The following PRKG1 variants were observed in gnomAD, a reference collection of about 807,000 sequenced individuals.
PRKG1 encodes the protein cGMP-dependent protein kinase 1.
A neutral mutation model predicts 88.1 loss-of-function variants in PRKG1; 35 were observed. That is an observed-to-expected ratio of 0.40 (90% CI 0.30 to 0.53). The LOEUF (loss-of-function observed/expected upper bound fraction) is 0.53, where lower values mean the gene tolerates loss of function less well. Among genes scored for constraint, PRKG1 ranks in the 20% least tolerant of loss-of-function variants. The probability of loss-of-function intolerance (pLI) is 0.59; values close to 1 mark genes in which losing one functional copy is unlikely to be tolerated. For synonymous variants in PRKG1, 303 were observed against 292.5 expected, an observed-to-expected ratio of 1.04 and a Z score of -0.37; for missense variants, 540 against 839.8, an observed-to-expected ratio of 0.64 and a Z score of 4.41.
At chr10:51,072,583 T>C (rs1395618544), upstream of PRKG1, among the ~76,000 whole-genome samples, 1 of 152,126 alleles carries the variant, frequency 6.6e-6, no homozygotes, top group Non-Finnish European at 1.5e-5. Flanking sequence ...CATTTCTTCA[T>C]TGCAAAAGAA....
chr10:51,303,691 C>G lies in PRKG1; in HGVS notation c.478+150361C>G, dbSNP rs530654945. On this transcript the variant is annotated intron_variant, in intron 2 of 17. Coordinates refer to ENST00000373980, the MANE Select transcript of PRKG1 (RefSeq NM_006258.4). ...ATAATATTAAATTTAATTTTTGTCT[C>G]CAGTGTTATTGCATTTTTCTAACAG... 1.1e-4 allele frequency among the ~76,000 whole-genome samples: 17 copies of G among 151,890 alleles called. No homozygotes were observed. The East Asian group carries it at 2.7e-3, about 24-fold the overall frequency.
At chr10:51,199,404 T>A (rs746248332) in intron 2 of PRKG1, among the ~76,000 whole-genome samples, 1 of 152,194 alleles carries the variant, frequency 6.6e-6, no homozygotes, top group Non-Finnish European at 1.5e-5. Flanking sequence ...ATGTTCTAGA[T>A]ATTGTCCTAG....
intron 4 of PRKG1, among the ~76,000 whole-genome samples, chr10:51,813,066 C>T (rs918986326): frequency 6.6e-6 from 1 of 152,202 alleles, no homozygotes; most frequent in Admixed American, 6.5e-5. Context: ...GTCTCTGCTG[C>T]TTTAGGACCC....
At chr10:51,818,991 A>T in intron 4 of PRKG1, among the ~76,000 whole-genome samples, 1 of 75,924 alleles carries the variant, frequency 1.3e-5, no homozygotes, top group East Asian at 4.5e-4. Flanking sequence ...TGGGCGACAG[A>T]GCGAGACTCC....
chr10:52,132,222 A>G (rs896005616), intron 7 of PRKG1, among the ~76,000 whole-genome samples: 2 of 152,176 alleles, frequency 1.3e-5, no homozygotes, highest in African/African-American at 2.4e-5. Flanking sequence ...TTTGATATCA[A>G]TGAATAAATA....
chr10:51,470,482 T>C (rs1840022422), intron 3 of PRKG1, among the ~76,000 whole-genome samples: 1 of 151,906 alleles, frequency 6.6e-6, no homozygotes, highest in South Asian at 2.1e-4. Context: ...TGATTGAAAA[T>C]GTTGATGATC....
chr10:51,018,242 T>C (rs1843094064), intron 1 of PRKG1, among the ~76,000 whole-genome samples: 1 of 152,204 alleles, frequency 6.6e-6, no homozygotes, highest in South Asian at 2.1e-4. Context: ...TTTTGCTGGA[T>C]GTAGAATTCT....
chr10:51,524,356 A>G (rs1045578371), intron 3 of PRKG1, among the ~76,000 whole-genome samples: 1 of 152,224 alleles, frequency 6.6e-6, no homozygotes, highest in Non-Finnish European at 1.5e-5. Flanking sequence ...AACTTTTGCT[A>G]AAAGGACCAA....
chr10:51,166,247 C>T (rs1246839036), intron 2 of PRKG1, among the ~76,000 whole-genome samples: 1 of 151,674 alleles, frequency 6.6e-6, no homozygotes, highest in African/African-American at 2.4e-5. Context: ...TAACTTGCTC[C>T]GATATTACCA....
intron 3 of PRKG1, among the ~76,000 whole-genome samples, chr10:51,797,652 C>T (rs1839052423): frequency 6.7e-6 from 1 of 148,830 alleles, no homozygotes; most frequent in Non-Finnish European, 1.5e-5. Context: ...TTATATATAT[C>T]TAAAATATAT....
intron 2 of PRKG1, among the ~76,000 whole-genome samples, chr10:51,277,250 T>C (rs1452378442): frequency 1.3e-5 from 2 of 152,218 alleles, no homozygotes; most frequent in Non-Finnish European, 2.9e-5. Context: ...TTTGTCAGGT[T>C]TGTCAAAGAT....
intron 9 of PRKG1, among the ~76,000 whole-genome samples, chr10:52,224,422 TA>T (rs1317023469): frequency 6.6e-6 from 1 of 151,980 alleles, no homozygotes; most frequent in Non-Finnish European, 1.5e-5. Context: ...CACTCCCTAG[TA>T]CCCTTTATTT....
intron 2 of PRKG1, among the ~76,000 whole-genome samples, chr10:51,373,568 T>C (rs548736628): frequency 6.6e-6 from 1 of 152,270 alleles, no homozygotes; most frequent in African/African-American, 2.4e-5. Context: ...ATGCCTTAGC[T>C]ATATTTCCCG....
chr10:51,364,300 G>A (rs539149104), intron 2 of PRKG1, among the ~76,000 whole-genome samples: 1 of 152,022 alleles, frequency 6.6e-6, no homozygotes, highest in East Asian at 1.9e-4. Flanking sequence ...CAGCAGTCAG[G>A]CAAATGGGAG....
chr10:50,999,062 T>C (rs1322944196), intron 1 of PRKG1, among the ~76,000 whole-genome samples: 1 of 152,224 alleles, frequency 6.6e-6, no homozygotes, highest in Non-Finnish European at 1.5e-5. Flanking sequence ...TAGAAACCCA[T>C]ACTACCTTAG....
intron 1 of PRKG1, among the ~76,000 whole-genome samples, chr10:50,999,018 A>C (rs1842861747): frequency 6.6e-6 from 1 of 152,190 alleles, no homozygotes; most frequent in African/African-American, 2.4e-5. Context: ...TTTATTTTAA[A>C]CATTTTAAAA....
intron 2 of PRKG1, among the ~76,000 whole-genome samples, chr10:51,427,682 G>A (rs1263803152): frequency 1.3e-5 from 2 of 152,150 alleles, no homozygotes; most frequent in Non-Finnish European, 2.9e-5. Flanking sequence ...CCCTGCTAGT[G>A]AAAGTGTGAT....
intron 3 of PRKG1, among the ~76,000 whole-genome samples, chr10:51,508,894 A>G (rs1206903756): frequency 1.3e-5 from 2 of 152,156 alleles, no homozygotes; most frequent in Non-Finnish European, 2.9e-5. Flanking sequence ...CATTATTACA[A>G]CGGTATTGCT....
chr10:51,920,275 G>T (rs1842435216), intron 5 of PRKG1, among the ~76,000 whole-genome samples: 1 of 152,120 alleles, frequency 6.6e-6, no homozygotes. Flanking sequence ...TATAACAAAG[G>T]CCAAACCTTT....
Sources: gnomAD v4.1 joint callset for allele counts (sites outside exome capture counted in the v4.1 genomes callset) on GRCh38, gnomAD v4.1.1 for gene constraint, MANE v1.5 for transcripts, NCBI Gene and HGNC (gene_info 2026-07-23, HGNC 2026-07-21) for gene names.